The following PARD3B variants were observed in gnomAD, a reference collection of about 807,000 sequenced individuals.
PARD3B encodes the protein partitioning defective 3 homolog B.
PARD3B carries 103 observed loss-of-function variants against 130.2 expected under a neutral mutation model. That is an observed-to-expected ratio of 0.79 (90% CI 0.67 to 0.93). The LOEUF (loss-of-function observed/expected upper bound fraction) is 0.93, where lower values mean the gene tolerates loss of function less well. Among genes scored for constraint, PARD3B ranks in the 40% least tolerant of loss-of-function variants. PARD3B has a pLI of 0.00. For synonymous variants in PARD3B, 583 were observed against 553.2 expected (o/e 1.05, Z -0.76); for missense variants, 1,609 against 1,499.2 (o/e 1.07, Z -1.21).
intron 10 of PARD3B, among the ~76,000 whole-genome samples, chr2:205,136,908 C>T (rs1410952420): frequency 6.6e-6 from 1 of 152,178 alleles, no homozygotes; most frequent in East Asian, 1.9e-4. Flanking sequence ...TTACTGAACA[C>T]CTACTATTCC....
chr2:205,568,373 TAGA>T lies in PARD3B; in HGVS notation c.3260+14977_3260+14979del, dbSNP rs2053440491. The stretch of plus-strand genomic sequence containing the variant: ...ACAGAGCAACCCAAGAGAATAACTC[TAGA>T]AGAAGATACTTCCAGTTTCTCTTTG... On this transcript the variant is annotated intron_variant, in intron 22 of 22. Transcript: ENST00000406610. This position sits in a 1 kb window ranked among gnomAD's most constrained non-coding sequence, Gnocchi z 5.3. 6.6e-6 allele frequency among the ~76,000 whole-genome samples: 1 copy of T among 152,228 alleles called. No homozygotes were observed. Among genetic ancestry groups the T allele is most frequent in the Non-Finnish European group, 1.5e-5 (1 of 68,046 alleles).
At chr2:205,290,530 T>G (rs1027235822) in intron 16 of PARD3B, among the ~76,000 whole-genome samples, 1 of 152,162 alleles carries the variant, frequency 6.6e-6, no homozygotes, top group Admixed American at 6.5e-5. Flanking sequence ...ACATGAGATG[T>G]AGGACTGAGG....
intron 2 of PARD3B, among the ~76,000 whole-genome samples, chr2:204,956,361 G>A (rs1690236896): frequency 6.6e-6 from 1 of 152,158 alleles, no homozygotes; most frequent in South Asian, 2.1e-4. Context: ...TTACAATATT[G>A]TAAATGTATG....
chr2:205,361,986 A>T lies in PARD3B; in HGVS notation c.2631-39027A>T, dbSNP rs537592621. On this transcript the variant is annotated intron_variant, in intron 18 of 22. Coordinates refer to ENST00000406610, the MANE Select transcript of PARD3B (RefSeq NM_001302769.2). ...CAGAGTTGGAAAGACAAAGAATTGTAATCTTTAGAGTAATATTTTTTTTAG... is the reference window on the plus strand; with the variant it reads ...CAGAGTTGGAAAGACAAAGAATTGTTATCTTTAGAGTAATATTTTTTTTAG... Among the ~76,000 whole-genome samples, 114 of 129,180 alleles carry T rather than the reference A, an allele frequency of 8.8e-4. 2 individuals carry two copies. Among genetic ancestry groups the T allele is most frequent in the African/African-American group, 2.7e-3 (107 of 39,930 alleles). 84.7% of individuals were successfully genotyped at this position (129,180 alleles called of 152,430 possible).
intron 22 of PARD3B, among the ~76,000 whole-genome samples, chr2:205,554,136 A>G (rs541981060): frequency 2.8e-4 from 42 of 152,344 alleles, no homozygotes; most frequent in Admixed American, 1.3e-3. Flanking sequence ...AGGTGAGGTG[A>G]GAGTATGAGA....
chr2:205,372,112 C>G (rs895674779), intron 18 of PARD3B, among the ~76,000 whole-genome samples: 1 of 152,118 alleles, frequency 6.6e-6, no homozygotes, highest in African/African-American at 2.4e-5. Flanking sequence ...AATAATAATG[C>G]TATGAATATT....
chr2:204,797,717 TTTAAA>T (rs1384783528), intron 2 of PARD3B, among the ~76,000 whole-genome samples: 1 of 152,326 alleles, frequency 6.6e-6, no homozygotes, highest in East Asian at 1.9e-4. Flanking sequence ...CATTTCTGAA[TTTAAA>T]TTAAAATTTT....
At chr2:205,381,517 A>G (rs933523478) in intron 18 of PARD3B, among the ~76,000 whole-genome samples, 1 of 151,722 alleles carries the variant, frequency 6.6e-6, no homozygotes, top group Non-Finnish European at 1.5e-5. Flanking sequence ...CATATCTACT[A>G]ATTTGTCTCC....
intron 18 of PARD3B, among the ~76,000 whole-genome samples, chr2:205,322,299 T>C (rs1018719741): frequency 6.6e-6 from 1 of 152,200 alleles, no homozygotes; most frequent in African/African-American, 2.4e-5. Flanking sequence ...GCCAGTCTTT[T>C]TATTTACATC....
At chr2:204,875,626 GGT>G (rs2045811502) in intron 2 of PARD3B, among the ~76,000 whole-genome samples, 1 of 152,098 alleles carries the variant, frequency 6.6e-6, no homozygotes, top group Non-Finnish European at 1.5e-5. Flanking sequence ...AAAGAGAAAC[GGT>G]GTCACAAAGA....
At chr2:204,910,307 C>T (rs1445793302) in intron 2 of PARD3B, among the ~76,000 whole-genome samples, 1 of 152,084 alleles carries the variant, frequency 6.6e-6, no homozygotes, top group Non-Finnish European at 1.5e-5. Context: ...CTTAAAAAAA[C>T]CTAGACCTTA....
At chr2:204,973,525 T>G (rs1471905167) in intron 3 of PARD3B, among the ~76,000 whole-genome samples, 1 of 150,878 alleles carries the variant, frequency 6.6e-6, no homozygotes, top group Non-Finnish European at 1.5e-5. Context: ...TCTCTCTGAG[T>G]GTGTATGTGT....
intron 18 of PARD3B, among the ~76,000 whole-genome samples, chr2:205,383,620 C>T (rs557971491): frequency 3.4e-4 from 51 of 152,094 alleles, no homozygotes; most frequent in African/African-American, 1.2e-3. Flanking sequence ...AATGTACATA[C>T]GGTGAAATTC....
intron 1 of PARD3B, among the ~76,000 whole-genome samples, chr2:204,567,588 A>G (rs914039640): frequency 2.6e-5 from 4 of 152,196 alleles, no homozygotes; most frequent in African/African-American, 9.7e-5. Context: ...GTATGTATGT[A>G]CCACATTTTG....
At chr2:205,404,277 C>A (rs568684155) in intron 19 of PARD3B, among the ~76,000 whole-genome samples, 1 of 152,196 alleles carries the variant, frequency 6.6e-6, no homozygotes, top group South Asian at 2.1e-4. Flanking sequence ...TGAAGCTATG[C>A]AAATGAAGTG....
rs568752469 is a variant in PARD3B, at chr2:204,697,669, C to T, written c.222+11387C>T. Among the ~76,000 whole-genome samples the T allele has an allele frequency of 5.3e-5, 8 of 152,198 alleles. No individual in the cohort carries two copies. The East Asian group carries it at 7.7e-4, about 15-fold the overall frequency. ...AAATACAGGATTGGCCTACATAGTC[C>T]GTTGTGATACAGTGTTGTTTGCTGA... On this transcript the variant is annotated intron_variant, in intron 2 of 22. Coordinates refer to ENST00000406610, the MANE Select transcript of PARD3B (RefSeq NM_001302769.2).
chr2:204,594,614 G>A (rs1176699827), intron 1 of PARD3B, among the ~76,000 whole-genome samples: 1 of 152,158 alleles, frequency 6.6e-6, no homozygotes, highest in African/African-American at 2.4e-5. Flanking sequence ...GCTGCCACCT[G>A]CAGTTGACCG....
At chr2:204,621,334 G>T (rs553235847) in intron 1 of PARD3B, among the ~76,000 whole-genome samples, 2 of 152,102 alleles carry the variant, frequency 1.3e-5, no homozygotes, top group Non-Finnish European at 2.9e-5. Context: ...ACTGTGAGTA[G>T]TTTATTGTTT....
At chr2:205,035,253 G>T (rs1468595159) in intron 3 of PARD3B, among the ~76,000 whole-genome samples, 1 of 152,142 alleles carries the variant, frequency 6.6e-6, no homozygotes, top group Non-Finnish European at 1.5e-5. Context: ...TCTAGCATGG[G>T]TAATCCAAAT....
Sources: allele counts gnomAD v4.1 joint callset (sites outside exome capture counted in the v4.1 genomes callset), GRCh38; gene constraint gnomAD v4.1.1; non-coding constraint Gnocchi (gnomAD v3.1); transcripts MANE v1.5; gene names NCBI Gene and HGNC (gene_info 2026-07-23, HGNC 2026-07-21).